CARMIL1: variants seen among roughly 807,000 people sequenced by gnomAD.
CARMIL1 encodes the protein capping protein regulator and myosin 1 linker 1.
In CARMIL1, 90 loss-of-function variants were observed where a neutral mutation model predicts 177.1. The ratio of observed to expected loss-of-function variants is 0.51; its 90% confidence interval spans 0.43 to 0.61. The LOEUF is 0.61. CARMIL1 is among the 20% of genes least tolerant of loss of function. The probability of loss-of-function intolerance (pLI) is 0.00; values close to 1 mark genes in which losing one functional copy is unlikely to be tolerated. For synonymous variants in CARMIL1, 577 were observed against 606.2 expected (o/e 0.95, Z 0.71); for missense variants, 1,380 against 1,667.0 (o/e 0.83, Z 3.00).
At chr6:25,460,985 C>T (rs553532161) in intron 8 of CARMIL1, among the ~76,000 whole-genome samples, 59 of 152,184 alleles carry the variant, frequency 3.9e-4, no homozygotes, top group Non-Finnish European at 7.5e-4. Context: ...CCGCTTGCCC[C>T]ACCTGGTTAT....
chr6:25,470,018 A>G (rs972185828), intron 9 of CARMIL1, among the ~76,000 whole-genome samples: 2 of 152,194 alleles, frequency 1.3e-5, no homozygotes, highest in Admixed American at 1.3e-4. Context: ...AAATTTTGTT[A>G]TAAGTTACTC....
intron 24 of CARMIL1, among the ~76,000 whole-genome samples, chr6:25,535,762 A>T (rs1808237748): frequency 6.6e-6 from 1 of 152,092 alleles, no homozygotes. Flanking sequence ...CTTTTTTCAA[A>T]ATTTTCAATC....
In CARMIL1 at chr6:25,499,573, C is replaced by T. The variant is rs115861881; in HGVS notation, c.1326-593C>T. ...TTTTCAGAGCAGTGATATGATTTGT[C>T]TCAGCTCAGCAGGTAGTTGGACAGG... On this transcript the variant is annotated intron_variant, in intron 16 of 36. Coordinates refer to ENST00000329474, the MANE Select transcript of CARMIL1 (RefSeq NM_017640.6). Among the ~76,000 whole-genome samples, 552 of 152,240 alleles carry T rather than the reference C, an allele frequency of 3.6e-3. 3 individuals carry two copies. The highest frequency in any genetic ancestry group is 0.013 in the African/African-American group (527 of 41,560).
intron 36 of CARMIL1, among the ~76,000 whole-genome samples, chr6:25,610,765 C>T (rs116386464): frequency 1.3e-5 from 2 of 152,166 alleles, no homozygotes; most frequent in East Asian, 3.9e-4. Flanking sequence ...AATCCTGTGA[C>T]GAGAATGCTT....
intron 4 of CARMIL1, chr6:25,433,298 C>T (rs1175804843): frequency 6.6e-6 from 1 of 152,108 alleles, no homozygotes; most frequent in Admixed American, 6.6e-5. Context: ...ATTACTCGCA[C>T]CCAAACTGTG....
intron 2 of CARMIL1, among the ~76,000 whole-genome samples, chr6:25,380,999 G>T (rs169978): frequency 0.87 from 133,055 of 152,192 alleles, 58,496 homozygotes; most frequent in African/African-American, 0.96. Context: ...TCTCTTTATT[G>T]TTGTATTGTT....
chr6:25,353,146 A>G (rs2744236), intron 2 of CARMIL1, among the ~76,000 whole-genome samples: 86,651 of 152,036 alleles, frequency 0.57, 25,489 homozygotes, highest in Non-Finnish European at 0.65. Context: ...TTCCTGATAG[A>G]TGACCCCTCT....
chr6:25,437,084 A>G (rs1204979892), intron 5 of CARMIL1, among the ~76,000 whole-genome samples: 6 of 152,174 alleles, frequency 3.9e-5, no homozygotes, highest in Non-Finnish European at 8.8e-5. Context: ...GCCACCAGAG[A>G]ACTAGCTGGG....
intron 36 of CARMIL1, among the ~76,000 whole-genome samples, chr6:25,616,535 C>T (rs1031503693): frequency 2.0e-5 from 3 of 152,208 alleles, no homozygotes; most frequent in Admixed American, 6.5e-5. Context: ...GACTGCGCCA[C>T]TGAATTCCAG....
At chr6:25,609,249 G>A (rs6903817) in intron 35 of CARMIL1, among the ~76,000 whole-genome samples, 42,545 of 151,684 alleles carry the variant, frequency 0.28, 6,042 homozygotes, top group Non-Finnish European at 0.3. Flanking sequence ...GGTGGATCAC[G>A]AGGTCAGGAG....
intron 2 of CARMIL1, among the ~76,000 whole-genome samples, chr6:25,348,077 A>G (rs1787717512): frequency 6.6e-6 from 1 of 152,212 alleles, no homozygotes; most frequent in Non-Finnish European, 1.5e-5. Flanking sequence ...ACAACAATTA[A>G]GTTCCTACTG....
intron 9 of CARMIL1, 119 bp from the exon 10 acceptor site, chr6:25,471,050 A>G (rs1214203692): frequency 1.7e-6 from 1 of 575,206 alleles, no homozygotes; most frequent in Non-Finnish European, 3.0e-6. Flanking sequence ...TGCTCATTCA[A>G]GGTTTATTGA....
Position 25,449,929 on chromosome 6 carries a change from T to C in CARMIL1, c.403T>C (p.Ser135Pro), listed in dbSNP as rs775043023. 6.2e-7 allele frequency: 1 copy of C among 1,611,230 alleles called. No individual in the cohort carries two copies. The highest frequency in any genetic ancestry group is 1.7e-5 in the Admixed American group (1 of 59,788). Residue 135 changes from serine (S) to proline (P), a missense_variant, in exon 6 of 37, where the codon TCT (serine) becomes CCT (proline). Coordinates refer to ENST00000329474, the MANE Select transcript of CARMIL1 (RefSeq NM_017640.6). ...CATGAAAAAAGTCTCCATGGAGCCATCTGAGCGCCTGGCTAGTCTCCAGGC... is the reference window on the plus strand; with the variant it reads ...CATGAAAAAAGTCTCCATGGAGCCACCTGAGCGCCTGGCTAGTCTCCAGGC... Reference protein sequence around the residue: ...RIMKKVSMEPSERLASLQALW... With the variant: ...RIMKKVSMEPPERLASLQALW...
intron 2 of CARMIL1, among the ~76,000 whole-genome samples, chr6:25,329,009 A>G (rs1475114369): frequency 6.6e-6 from 1 of 152,164 alleles, no homozygotes; most frequent in Non-Finnish European, 1.5e-5. Flanking sequence ...TCTTTCTGTC[A>G]TGTTGGAGAA....
At chr6:25,596,217 C>T (rs746574843) in intron 32 of CARMIL1, among the ~76,000 whole-genome samples, 4 of 150,990 alleles carry the variant, frequency 2.6e-5, no homozygotes, top group East Asian at 2.0e-4. Flanking sequence ...AGGAAGATTC[C>T]GTTCATGTTT....
In CARMIL1 at chr6:25,554,750, A is replaced by G. The variant is rs563570739; in HGVS notation, c.2592+654A>G. Among the ~76,000 whole-genome samples the G allele has an allele frequency of 1.1e-4, 16 of 152,338 alleles. No homozygotes were observed. In the South Asian group the frequency reaches 1.4e-3, roughly 14 times the overall value. ...ATAACTGGTTATATCTAATGCCTCAATATGATGCAGTGGAAGTCTCCCAGG... is the reference window on the plus strand; with the variant it reads ...ATAACTGGTTATATCTAATGCCTCAGTATGATGCAGTGGAAGTCTCCCAGG... On this transcript the variant is annotated intron_variant, in intron 28 of 36. Transcript: ENST00000329474. The surrounding 1 kb of genome is among the most constrained non-coding windows in gnomAD (Gnocchi z 4.6).
chr6:25,521,013 T>C (rs1806496223), intron 23 of CARMIL1, among the ~76,000 whole-genome samples: 1 of 152,214 alleles, frequency 6.6e-6, no homozygotes, highest in African/African-American at 2.4e-5. Flanking sequence ...GTGGTATTAT[T>C]TGAGGAATCT....
intron 23 of CARMIL1, among the ~76,000 whole-genome samples, chr6:25,526,524 C>G (rs1290841544): frequency 6.8e-6 from 1 of 147,830 alleles, no homozygotes; most frequent in African/African-American, 2.6e-5. Flanking sequence ...CCTCTCATCT[C>G]CTTTTCCTCT....
chr6:25,486,389 G>A (rs1199822514), intron 12 of CARMIL1, among the ~76,000 whole-genome samples: 3 of 152,022 alleles, frequency 2.0e-5, no homozygotes, highest in Non-Finnish European at 2.9e-5. Context: ...CCAAGCGCCC[G>A]CACTTGTCCA....
Sources: gnomAD v4.1 joint callset for allele counts (sites outside exome capture counted in the v4.1 genomes callset) on GRCh38, gnomAD v4.1.1 for gene constraint, Gnocchi (gnomAD v3.1) non-coding constraint, MANE v1.5 for transcripts, NCBI Gene and HGNC (gene_info 2026-07-23, HGNC 2026-07-21) for gene names.